Variants in MLLT3 observed in about 807,000 individuals in gnomAD.
MLLT3 encodes MLLT3 super elongation complex subunit, also known as protein AF-9.
MLLT3 carries 4 observed loss-of-function variants against 53.2 expected under a neutral mutation model. The observed-to-expected ratio is 0.08, with a 90% CI of 0.04 to 0.17. MLLT3 has a LOEUF of 0.17. Among genes scored for constraint, MLLT3 ranks in the 10% least tolerant of loss-of-function variants. The probability of loss-of-function intolerance (pLI) is 1.00; values close to 1 mark genes in which losing one functional copy is unlikely to be tolerated. For missense variants in MLLT3, 569 were observed against 684.0 expected (o/e 0.83, Z 1.87); for synonymous variants, 283 against 230.6 (o/e 1.23, Z -2.06).
At chr9:20,434,344 A>G (rs916732861) in intron 4 of MLLT3, among the ~76,000 whole-genome samples, 17 of 150,540 alleles carry the variant, frequency 1.1e-4, no homozygotes, top group African/African-American at 4.3e-4. Flanking sequence ...CAAAGAAAGA[A>G]AAGTTTTTTG....
intron 2 of MLLT3, among the ~76,000 whole-genome samples, chr9:20,473,068 T>C (rs1209925966): frequency 6.6e-6 from 1 of 152,120 alleles, no homozygotes; most frequent in Non-Finnish European, 1.5e-5. Context: ...TCAGAAACTC[T>C]GGGGTAGTCC....
intron 2 of MLLT3, among the ~76,000 whole-genome samples, chr9:20,566,070 G>GCA (rs1554639858): frequency 3.8e-5 from 5 of 131,320 alleles, no homozygotes; most frequent in Admixed American, 3.3e-4. Flanking sequence ...ATATATTTGT[G>GCA]TATATATATA....
At position 20,413,464 on chromosome 9, in the gene MLLT3, C is replaced by T. The variant is rs1336151404; in HGVS notation, c.1125+257G>A. 2.6e-5 allele frequency among the ~76,000 whole-genome samples: 4 copies of T among 152,320 alleles called. 1 individual carries two copies. The highest frequency in any genetic ancestry group is 2.9e-5 in the Non-Finnish European group (2 of 68,022). On this transcript the variant is annotated intron_variant, in intron 5 of 10. Coordinates refer to ENST00000380338, the MANE Select transcript of MLLT3 (RefSeq NM_004529.4). The stretch of plus-strand genomic sequence containing the variant: ...AGCAACAAAATTTTCTGCTGCTATT[C>T]AAATGACCCATTATAATGCTATGGA...
At chr9:20,565,156 G>A (rs1270564617) in intron 2 of MLLT3, among the ~76,000 whole-genome samples, 1 of 150,434 alleles carries the variant, frequency 6.6e-6, no homozygotes, top group Non-Finnish European at 1.5e-5. Context: ...TCAGTATTTA[G>A]TTTTCTCCCA....
intron 2 of MLLT3, among the ~76,000 whole-genome samples, chr9:20,541,643 T>A (rs556063339): frequency 6.6e-6 from 1 of 152,156 alleles, no homozygotes; most frequent in East Asian, 1.9e-4. Context: ...ACCCACCAGG[T>A]CCCTCCCCTG....
chr9:20,500,722 A>C (rs1002220451), intron 2 of MLLT3, among the ~76,000 whole-genome samples: 7 of 152,164 alleles, frequency 4.6e-5, no homozygotes, highest in Non-Finnish European at 1.0e-4. Context: ...CATCTTGTCT[A>C]CTACAGTTGA....
chr9:20,532,007 C>T (rs529310347), intron 2 of MLLT3, among the ~76,000 whole-genome samples: 1 of 152,062 alleles, frequency 6.6e-6, no homozygotes, highest in Admixed American at 6.5e-5. Flanking sequence ...TAGTGACAGA[C>T]AGCACTATTC....
At chr9:20,399,315 A>C (rs1028322256) in intron 5 of MLLT3, among the ~76,000 whole-genome samples, 3 of 152,170 alleles carry the variant, frequency 2.0e-5, no homozygotes, top group Non-Finnish European at 4.4e-5. Context: ...CTATAAATAC[A>C]TACGCATATA....
At position 20,561,950 on chromosome 9, in the gene MLLT3, T is replaced by TG. The variant is rs201097028; in HGVS notation, c.193+58703dup. Among the ~76,000 whole-genome samples, 6 of 143,630 alleles carry TG rather than the reference T, an allele frequency of 4.2e-5. No individual in the cohort carries two copies. The East Asian group carries it at 6.1e-4, about 15-fold the overall frequency. 94.2% of individuals were successfully genotyped at this position (143,630 alleles called of 152,430 possible). ...TTTTGGTTTGTTTGGGTTTGAGGGG[T>TG]GGGGGGGCAGAGATTAGGGAACAGA... On this transcript the variant is annotated intron_variant, in intron 2 of 10. Transcript: ENST00000380338.
intron 5 of MLLT3, among the ~76,000 whole-genome samples, chr9:20,387,114 C>CT (rs1479409051): frequency 1.3e-5 from 2 of 152,180 alleles, no homozygotes; most frequent in Admixed American, 6.5e-5. Context: ...CAGGCTTTTC[C>CT]TATAAAAGAC....
rs564230559 is a variant in MLLT3, at chr9:20,526,382, A to C, written c.194-69596T>G. ...CACCCCACAAACTAGACCTGCCAAA[A>C]GGTAGTACCATCCTGGTTCTGAACT... On this transcript the variant is annotated intron_variant, in intron 2 of 10. Coordinates refer to ENST00000380338, the MANE Select transcript of MLLT3 (RefSeq NM_004529.4). Among the ~76,000 whole-genome samples the C allele has an allele frequency of 2.0e-5, 3 of 152,304 alleles. No homozygotes were observed. In the East Asian group the frequency reaches 5.8e-4, roughly 29 times the overall value.
In MLLT3 at chr9:20,534,204, G is replaced by GT. The variant is rs1388002917; in HGVS notation, c.194-77419dup. Among the ~76,000 whole-genome samples the GT allele has an allele frequency of 2.0e-5, 3 of 152,278 alleles. No individual in the cohort carries two copies. In the East Asian group the frequency reaches 5.8e-4, roughly 29 times the overall value. ...TAGCAAATTTATTTCTAAAAATTTT[G>GT]TAAGTCATGTCTTCGGAAAGTTGCT... On this transcript the variant is annotated intron_variant, in intron 2 of 10. Coordinates refer to ENST00000380338, the MANE Select transcript of MLLT3 (RefSeq NM_004529.4).
intron 4 of MLLT3, among the ~76,000 whole-genome samples, chr9:20,416,982 T>A (rs1822887387): frequency 6.6e-6 from 1 of 151,896 alleles, no homozygotes; most frequent in Non-Finnish European, 1.5e-5. Flanking sequence ...GACATTAAAT[T>A]GTCACTGACA....
rs1821020440 is a variant in MLLT3, at chr9:20,621,814, A to G, written c.12+431T>C. On this transcript the variant is annotated intron_variant, in intron 1 of 10. Transcript: ENST00000380338. The surrounding 1 kb of genome is among the most constrained non-coding windows in gnomAD (Gnocchi z 7.0). ...GCGCTTTGCGGAGGTGCGGCCGCCGAGGCTGCTCGCCGCGTCCCCGGACTG... is the reference window on the plus strand; with the variant it reads ...GCGCTTTGCGGAGGTGCGGCCGCCGGGGCTGCTCGCCGCGTCCCCGGACTG... 5 of 1,433,246 alleles carry G rather than the reference A, an allele frequency of 3.5e-6. No homozygotes were observed. The highest frequency in any genetic ancestry group is 3.6e-6 in the Non-Finnish European group (4 of 1,105,430). 88.8% of individuals were successfully genotyped at this position (1,433,246 alleles called of 1,614,324 possible).
intron 2 of MLLT3, among the ~76,000 whole-genome samples, chr9:20,595,056 A>T (rs1018533790): frequency 3.9e-5 from 6 of 152,078 alleles, no homozygotes; most frequent in African/African-American, 1.4e-4. Flanking sequence ...TTAAAAAAAA[A>T]ATTACTGGGC....
intron 4 of MLLT3, among the ~76,000 whole-genome samples, chr9:20,421,463 A>G (rs1823006983): frequency 6.6e-6 from 1 of 152,168 alleles, no homozygotes; most frequent in South Asian, 2.1e-4. Context: ...AGCTAAACTT[A>G]GTATTCACTT....
intron 4 of MLLT3, among the ~76,000 whole-genome samples, chr9:20,420,684 G>GTAGAATT (rs1055719299): frequency 6.6e-6 from 1 of 152,010 alleles, no homozygotes; most frequent in African/African-American, 2.4e-5. Flanking sequence ...ATAATTATAC[G>GTAGAATT]TAGAATTTTT....
chr9:20,610,801 G>A (rs1228559739), intron 2 of MLLT3, among the ~76,000 whole-genome samples: 2 of 152,118 alleles, frequency 1.3e-5, no homozygotes, highest in African/African-American at 4.8e-5. Context: ...TAAAATGAGG[G>A]AAGTTAGCTT....
intron 2 of MLLT3, among the ~76,000 whole-genome samples, chr9:20,618,029 C>T (rs967138561): frequency 2.0e-5 from 3 of 152,166 alleles, no homozygotes; most frequent in Non-Finnish European, 4.4e-5. Context: ...CTGAGCAGTT[C>T]ATCCTCAGTC....
Sources: allele counts gnomAD v4.1 joint callset (sites outside exome capture counted in the v4.1 genomes callset), GRCh38; gene constraint gnomAD v4.1.1; non-coding constraint Gnocchi (gnomAD v3.1); transcripts MANE v1.5; gene names NCBI Gene and HGNC (gene_info 2026-07-23, HGNC 2026-07-21).